Variants in DIXDC1 observed in about 807,000 individuals in gnomAD.
DIXDC1 encodes the protein DIX domain containing 1.
A neutral mutation model predicts 103.1 loss-of-function variants in DIXDC1; 64 were observed. The observed-to-expected ratio is 0.62, with a 90% CI of 0.51 to 0.76. DIXDC1 has a LOEUF of 0.76. Ranked by LOEUF, DIXDC1 falls within the 30% of genes least tolerant of loss-of-function variation. DIXDC1 has a pLI of 0.00. For missense variants in DIXDC1, 759 were observed against 834.2 expected (o/e 0.91, Z 1.11); for synonymous variants, 266 against 298.5 (o/e 0.89, Z 1.12).
chr11:111,948,341 C>G (rs1251777883), intron 1 of DIXDC1, among the ~76,000 whole-genome samples: 6 of 152,078 alleles, frequency 3.9e-5, no homozygotes, highest in African/African-American at 1.4e-4. Context: ...CCTTCCTGTC[C>G]TCTACCTTCT....
At position 111,999,438 on chromosome 11, in the gene DIXDC1, T is replaced by A. The variant is rs1189101913; in HGVS notation, c.1756+3292T>A. ...ACCATATACAAAAGTTAACTCAGAC[T>A]ATAGATCAGTGACTTAAATGTAAGA... On this transcript the variant is annotated intron_variant, in intron 17 of 19. Coordinates refer to ENST00000440460, the MANE Select transcript of DIXDC1 (RefSeq NM_001037954.4). Among the ~76,000 whole-genome samples, 4 of 152,328 alleles carry A rather than the reference T, an allele frequency of 2.6e-5. No individual in the cohort carries two copies. In the East Asian group the frequency reaches 7.7e-4, roughly 29 times the overall value.
intron 2 of DIXDC1, among the ~76,000 whole-genome samples, chr11:111,966,228 C>CTTTTTT (rs71060203): frequency 1.1e-5 from 1 of 91,702 alleles, no homozygotes; most frequent in Non-Finnish European, 2.0e-5. Context: ...TTTTTTTTTC[C>CTTTTTT]TTTTTTTTTT....
At chr11:111,928,400 A>C (rs191410035) in intron 1 of DIXDC1, 1 of 152,158 alleles carries the variant, frequency 6.6e-6, no homozygotes, top group Admixed American at 6.5e-5. Flanking sequence ...AAATACAAAA[A>C]TTAATGGCCA....
At chr11:112,012,588 C>T (rs1269278503) in intron 17 of DIXDC1, among the ~76,000 whole-genome samples, 1 of 152,146 alleles carries the variant, frequency 6.6e-6, no homozygotes. Context: ...TAAGCTATAA[C>T]TATTAATCAC....
intron 17 of DIXDC1, among the ~76,000 whole-genome samples, chr11:112,000,242 T>G (rs1861025200): frequency 6.6e-6 from 1 of 152,156 alleles, no homozygotes; most frequent in Non-Finnish European, 1.5e-5. Context: ...AGAAAGTAAG[T>G]AGACAACCTA....
At chr11:111,942,842 G>A (rs904914261) in intron 1 of DIXDC1, among the ~76,000 whole-genome samples, 1 of 152,144 alleles carries the variant, frequency 6.6e-6, no homozygotes, top group African/African-American at 2.4e-5. Context: ...GCCTGAAACC[G>A]TGGATGGTAC....
At chr11:111,993,388 T>A in intron 12 of DIXDC1, 108 bp from the exon 13 acceptor site, 2 of 1,212,922 alleles carry the variant, frequency 1.6e-6, no homozygotes, top group Non-Finnish European at 2.4e-6. Context: ...GGAAAGGACT[T>A]TTTTTCCTGA....
At chr11:111,952,916 G>A (rs587727470) in intron 1 of DIXDC1, among the ~76,000 whole-genome samples, 276 of 152,166 alleles carry the variant, frequency 1.8e-3, no homozygotes, top group African/African-American at 6.4e-3. Context: ...ATTGAACTTG[G>A]GAGGTTGAGG....
At chr11:111,990,697 G>T (rs1011666245) in intron 10 of DIXDC1, among the ~76,000 whole-genome samples, 1 of 151,780 alleles carries the variant, frequency 6.6e-6, no homozygotes, top group South Asian at 2.1e-4. Context: ...TGAATATATG[G>T]TTTTTTTGTG....
chr11:111,961,279 G>A (rs1371876297), intron 1 of DIXDC1, among the ~76,000 whole-genome samples: 2 of 152,176 alleles, frequency 1.3e-5, no homozygotes, highest in Non-Finnish European at 2.9e-5. Flanking sequence ...AAAGTTTTAG[G>A]GAAGTCATTT....
rs782440822 is a variant in DIXDC1, at chr11:111,974,967, G to A, written c.640G>A (p.Glu214Lys). The change falls in exon 5 of 20, where the codon GAA becomes AAA. Residue 214 changes from glutamate (E) to lysine (K), a missense_variant. Around this residue, in one of 3 missense-constraint regions of DIXDC1, gnomAD observed 657 missense variants for 727.5 expected, o/e 0.90. Coordinates refer to ENST00000440460, the MANE Select transcript of DIXDC1 (RefSeq NM_001037954.4). The stretch of plus-strand genomic sequence containing the variant: ...CGAAGGGCAACAAAGGTCCCCGTCT[G>A]AATCCAGCTGCTCCAGGTAACTGTG... ...QYEGQQRSPS[E>K]SSCSSLTSPS... is the part of the protein sequence containing the mutation. 5.0e-6 allele frequency: 8 copies of A among 1,612,192 alleles called. No individual in the cohort carries two copies. Among genetic ancestry groups the A allele is most frequent in the South Asian group, 2.2e-5 (2 of 90,578 alleles).
At chr11:111,946,666 G>GT (rs1229458962) in intron 1 of DIXDC1, 115 of 290,650 alleles carry the variant, frequency 4.0e-4, no homozygotes, top group East Asian at 8.4e-4. Flanking sequence ...CAGCCAACAT[G>GT]TTTTTTTTCC....
chr11:111,952,137 A>G (rs1420190833), intron 1 of DIXDC1, among the ~76,000 whole-genome samples: 2 of 152,094 alleles, frequency 1.3e-5, no homozygotes, highest in African/African-American at 4.8e-5. Flanking sequence ...AAGTGCTGGG[A>G]TTATAGGCAT....
chr11:111,989,098 A>G (rs782820232), intron 10 of DIXDC1, 43 bp downstream of exon 10: 6 of 1,522,368 alleles, frequency 3.9e-6, no homozygotes, highest in East Asian at 2.3e-5. Context: ...AGTCTCTGCA[A>G]TGTAAAGTAG....
rs1555178600 is a variant in DIXDC1 at position 112,022,305 on chromosome 11, TCTA to T, written c.*3272_*3274del. ...ATAAGCATTATGATTGCACACTCCT[TCTA>T]CTGTCTGAATTTATGTAAGAGGTAT... On this transcript the variant is annotated 3_prime_UTR_variant, in exon 20 of 20. Transcript: ENST00000440460. The surrounding 1 kb of genome is among the most constrained non-coding windows in gnomAD (Gnocchi z 4.9). 1 of 152,220 alleles carries T rather than the reference TCTA, an allele frequency of 6.6e-6. No homozygotes were observed. The highest frequency in any genetic ancestry group is 2.4e-5 in the African/African-American group (1 of 41,452). The allele number at this position is 152,220 out of a possible 1,614,324, so 9.4% of individuals were successfully genotyped here. A position where few individuals can be genotyped will look rare whatever the true frequency, so the allele number is the denominator to read the frequency against.
Position 112,022,518 on chromosome 11 carries a change from T to G in DIXDC1, c.*3482T>G, listed in dbSNP as rs977477582. ...TGATAACCAGTTTTAACTGCCGGTATGTACCAGATTTGTGAACTAATTTAA... is the reference window on the plus strand; with the variant it reads ...TGATAACCAGTTTTAACTGCCGGTAGGTACCAGATTTGTGAACTAATTTAA... On this transcript the variant is annotated 3_prime_UTR_variant, in exon 20 of 20. Transcript: ENST00000440460. The surrounding 1 kb of genome is among the most constrained non-coding windows in gnomAD (Gnocchi z 4.9). The G allele has an allele frequency of 4.6e-5, 7 of 152,678 alleles. No individual in the cohort carries two copies. The highest frequency in any genetic ancestry group is 1.0e-4 in the Non-Finnish European group (7 of 68,036). 9.5% of individuals were successfully genotyped at this position (152,678 alleles called of 1,614,324 possible).
intron 1 of DIXDC1, among the ~76,000 whole-genome samples, chr11:111,950,428 ATATATATATATTTTTTTTTTTTTTTTTTT>A (rs1257374560): frequency 0.019 from 404 of 21,340 alleles, 25 homozygotes; most frequent in African/African-American, 0.096. Context: ...ATATATATAT[ATATATATATATTTTTTTTTTTTTTTTTTT>A]TTTTTTTTTT....
At chr11:111,989,122 G>A in intron 10 of DIXDC1, 67 bp downstream of exon 10, 1 of 1,352,080 alleles carries the variant, frequency 7.4e-7, no homozygotes, top group Non-Finnish European at 1.0e-6. Context: ...GTTGGTGAGT[G>A]GTGAGAGTTG....
chr11:112,004,598 C>T (rs1861176556), intron 17 of DIXDC1, among the ~76,000 whole-genome samples: 2 of 152,152 alleles, frequency 1.3e-5, no homozygotes, highest in South Asian at 4.1e-4. Context: ...GCTCATCCCC[C>T]ACCACCAGGG....
Sources: allele counts gnomAD v4.1 joint callset (sites outside exome capture counted in the v4.1 genomes callset), GRCh38; gene constraint gnomAD v4.1.1; regional missense constraint gnomAD v4.1.1; non-coding constraint Gnocchi (gnomAD v3.1); transcripts MANE v1.5; gene names NCBI Gene and HGNC (gene_info 2026-07-23, HGNC 2026-07-21).